Variants in ASCC1 observed in about 807,000 individuals in gnomAD.
ASCC1 encodes the protein activating signal cointegrator 1 complex subunit 1, also known as ASC-1 complex subunit P50.
A neutral mutation model predicts 46.6 loss-of-function variants in ASCC1; 35 were observed. The ratio of observed to expected loss-of-function variants is 0.75; its 90% confidence interval spans 0.57 to 0.99. The LOEUF (loss-of-function observed/expected upper bound fraction) is 0.99, where lower values mean the gene tolerates loss of function less well. ASCC1 is among the 50% of genes least tolerant of loss of function. ASCC1 has a pLI of 0.00. For synonymous variants in ASCC1, 143 were observed against 146.6 expected, an observed-to-expected ratio of 0.98 and a Z score of 0.18; for missense variants, 376 against 428.7, an observed-to-expected ratio of 0.88 and a Z score of 1.09.
At chr10:72,138,144 C>T (rs1202721419) in intron 7 of ASCC1, among the ~76,000 whole-genome samples, 2 of 152,170 alleles carry the variant, frequency 1.3e-5, no homozygotes, top group Admixed American at 6.5e-5. Context: ...GGATTACAGG[C>T]GTGAGCCACT....
intron 7 of ASCC1, among the ~76,000 whole-genome samples, chr10:72,150,262 C>T (rs1001701089): frequency 1.3e-5 from 2 of 151,822 alleles, no homozygotes; most frequent in Non-Finnish European, 2.9e-5. Flanking sequence ...TTTTTCCTCC[C>T]TTCTCCCCAA....
chr10:72,211,415 T>TA (rs1420392225), intron 2 of ASCC1, among the ~76,000 whole-genome samples: 1 of 151,184 alleles, frequency 6.6e-6, no homozygotes, highest in Non-Finnish European at 1.5e-5. Flanking sequence ...GGCAACAAAG[T>TA]AAAACCCCCT....
chr10:72,215,319 A>G (rs569849632), intron 1 of ASCC1, among the ~76,000 whole-genome samples: 1 of 152,362 alleles, frequency 6.6e-6, no homozygotes, highest in Non-Finnish European at 1.5e-5. Context: ...GAATGGCTTA[A>G]GCCTGAGAGG....
intron 7 of ASCC1, among the ~76,000 whole-genome samples, chr10:72,136,126 T>C (rs1335938246): frequency 6.6e-6 from 1 of 152,134 alleles, no homozygotes; most frequent in Admixed American, 6.6e-5. Flanking sequence ...GGGGTCAAGC[T>C]ATCCTCCTGC....
intron 9 of ASCC1, among the ~76,000 whole-genome samples, chr10:72,112,878 C>CAAAA (rs60754683): frequency 3.6e-5 from 3 of 82,842 alleles, no homozygotes; most frequent in African/African-American, 4.9e-5. Context: ...ACTCTGCCTC[C>CAAAA]AAAAAAAAAA....
At chr10:72,150,950 G>T (rs1437466982) in intron 7 of ASCC1, among the ~76,000 whole-genome samples, 1 of 152,162 alleles carries the variant, frequency 6.6e-6, no homozygotes, top group Non-Finnish European at 1.5e-5. Flanking sequence ...GAAACAACAG[G>T]TGCTGGAGAG....
Position 72,133,181 on chromosome 10 carries a change from C to T in ASCC1, c.747G>A (p.Arg249=), listed in dbSNP as rs113569227. Residue 249 remains arginine (R), a splice_region_variant and synonymous_variant, in exon 8 of 10, where the codon AGG becomes AGA. Transcript: ENST00000672957. ...GCACTCGATCAACTAATTCTTGTAG[C>T]CTGGAGAAATTGGAGAAAAGTAATG... The part of the protein sequence containing the change: ...AKVHMKDGSN[R]LQELVDRVLE... 2.5e-6 allele frequency: 4 copies of T among 1,614,036 alleles called. No homozygotes were observed. The East Asian group carries it at 8.9e-5, about 36-fold the overall frequency.
chr10:72,152,626 G>A, intron 7 of ASCC1, among the ~76,000 whole-genome samples: 1 of 152,104 alleles, frequency 6.6e-6, no homozygotes, highest in Admixed American at 6.6e-5. Context: ...AGCCCAGGAC[G>A]CTGAGATCAG....
chr10:72,206,765 C>T (rs1369888435), intron 3 of ASCC1, among the ~76,000 whole-genome samples: 2 of 152,104 alleles, frequency 1.3e-5, no homozygotes, highest in Admixed American at 6.6e-5. Context: ...GAACCCAGGC[C>T]ATACAGAGGA....
intron 9 of ASCC1, among the ~76,000 whole-genome samples, chr10:72,108,791 A>G (rs1842624290): frequency 6.6e-6 from 1 of 152,218 alleles, no homozygotes; most frequent in South Asian, 2.1e-4. Flanking sequence ...ATTGTCACTC[A>G]CTGACTATAA....
At position 72,190,145 on chromosome 10, in the gene ASCC1, G is replaced by C. The variant is rs1854200001; in HGVS notation, c.489+6666C>G. The stretch of plus-strand genomic sequence containing the variant: ...TATATATAGGATTCATGTTCGCTGT[G>C]GTGGCCGAAAACACCCAGTTCCTAA... On this transcript the variant is annotated intron_variant, in intron 5 of 9. Transcript: ENST00000672957. 2.2e-5 allele frequency: 17 copies of C among 762,094 alleles called. No individual in the cohort carries two copies. The South Asian group carries it at 2.3e-4, about 10-fold the overall frequency. The allele number at this position is 762,094 out of a possible 1,614,324, so 47.2% of individuals were successfully genotyped here. A position where few individuals can be genotyped will look rare whatever the true frequency, so the allele number is the denominator to read the frequency against.
At chr10:72,163,399 G>A (rs894642624) in intron 5 of ASCC1, among the ~76,000 whole-genome samples, 1 of 152,042 alleles carries the variant, frequency 6.6e-6, no homozygotes, top group Non-Finnish European at 1.5e-5. Context: ...TAAACAAACC[G>A]TAGTATATAC....
intron 9 of ASCC1, among the ~76,000 whole-genome samples, chr10:72,103,665 CCTG>C (rs1265540236): frequency 6.6e-6 from 1 of 152,154 alleles, no homozygotes; most frequent in African/African-American, 2.4e-5. Flanking sequence ...CCTGTGACCT[CCTG>C]CTCTTCTCCC....
intron 7 of ASCC1, among the ~76,000 whole-genome samples, chr10:72,152,194 TG>T (rs200217441): frequency 4.8e-5 from 7 of 144,464 alleles, no homozygotes; most frequent in East Asian, 2.0e-4. Flanking sequence ...TTGTTTTTTG[TG>T]TTTTTTTTTT....
At chr10:72,204,524 G>C in intron 3 of ASCC1, 1 of 1,550,132 alleles carries the variant, frequency 6.5e-7, no homozygotes, top group Non-Finnish European at 8.7e-7. Context: ...TCCCAAGAGA[G>C]AAGTTTCAGA....
chr10:72,137,390 T>C (rs1846367521), intron 7 of ASCC1, among the ~76,000 whole-genome samples: 1 of 151,744 alleles, frequency 6.6e-6, no homozygotes, highest in African/African-American at 2.4e-5. Context: ...TAGATGGGTG[T>C]GGTGGTGCAT....
At chr10:72,199,765 G>A (rs983312730) in intron 4 of ASCC1, among the ~76,000 whole-genome samples, 12 of 151,916 alleles carry the variant, frequency 7.9e-5, no homozygotes, top group African/African-American at 2.2e-4. Context: ...AGACAGTCTC[G>A]CTCTGTCACC....
intron 9 of ASCC1, among the ~76,000 whole-genome samples, chr10:72,097,764 G>A (rs1047376366): frequency 2.6e-5 from 4 of 152,186 alleles, no homozygotes; most frequent in African/African-American, 9.7e-5. Context: ...TATAGCAAAC[G>A]CCCCATGGCC....
At chr10:72,115,171 T>C (rs1208801260) in intron 9 of ASCC1, among the ~76,000 whole-genome samples, 1 of 152,230 alleles carries the variant, frequency 6.6e-6, no homozygotes, top group Non-Finnish European at 1.5e-5. Flanking sequence ...CTCTGGCAAA[T>C]CTAGTGTTCT....
Sources: allele counts gnomAD v4.1 joint callset (sites outside exome capture counted in the v4.1 genomes callset), GRCh38; gene constraint gnomAD v4.1.1; transcripts MANE v1.5; gene names NCBI Gene and HGNC (gene_info 2026-07-23, HGNC 2026-07-21).